LMX1A: variants seen among roughly 807,000 people sequenced by gnomAD.
LMX1A encodes the protein LIM homeobox transcription factor 1 alpha, also known as LIM homeobox transcription factor 1-alpha.
In LMX1A, 15 loss-of-function variants were observed where a neutral mutation model predicts 49.1. That is an observed-to-expected ratio of 0.31 (90% CI 0.20 to 0.47). The LOEUF (loss-of-function observed/expected upper bound fraction) is 0.47, where lower values mean the gene tolerates loss of function less well. Among genes scored for constraint, LMX1A ranks in the 20% least tolerant of loss-of-function variants. The pLI, the probability that LMX1A is intolerant of heterozygous loss-of-function variation, is 1.00. For synonymous variants in LMX1A, 167 were observed against 185.7 expected (o/e 0.90, Z 0.82); for missense variants, 372 against 475.8 (o/e 0.78, Z 2.03).
At chr1:165,238,336 T>C (rs1229047784) in intron 4 of LMX1A, among the ~76,000 whole-genome samples, 3 of 152,198 alleles carry the variant, frequency 2.0e-5, no homozygotes, top group African/African-American at 7.2e-5. Flanking sequence ...GTCAACTGAT[T>C]TTTCCTACTA....
chr1:165,299,201 C>T (rs573584702), intron 3 of LMX1A, among the ~76,000 whole-genome samples: 2 of 152,324 alleles, frequency 1.3e-5, no homozygotes, highest in African/African-American at 2.4e-5. Flanking sequence ...GACATTTACA[C>T]GTCAGTATAA....
At chr1:165,281,746 A>ATGTG (rs56913866) in intron 3 of LMX1A, among the ~76,000 whole-genome samples, 3,828 of 125,930 alleles carry the variant, frequency 0.03, 117 homozygotes, top group African/African-American at 0.078. Context: ...GTGTGTGTGT[A>ATGTG]TGTGTGTGTG....
At chr1:165,275,847 A>ATGTG (rs529022372) in intron 3 of LMX1A, among the ~76,000 whole-genome samples, 29,583 of 138,658 alleles carry the variant, frequency 0.21, 3,239 homozygotes, top group East Asian at 0.45. Flanking sequence ...GTGTGTGTGT[A>ATGTG]TGTGTGTGTG....
At chr1:165,270,400 G>T (rs1045816426) in intron 3 of LMX1A, among the ~76,000 whole-genome samples, 3 of 152,190 alleles carry the variant, frequency 2.0e-5, no homozygotes, top group South Asian at 2.1e-4. Flanking sequence ...ACTCCTGTGG[G>T]GGCAAGCAAG....
chr1:165,219,334 G>A (rs1651754100), intron 4 of LMX1A, among the ~76,000 whole-genome samples: 1 of 152,114 alleles, frequency 6.6e-6, no homozygotes, highest in South Asian at 2.1e-4. Flanking sequence ...AGACCTTCAT[G>A]CTAGGGCAGG....
At chr1:165,321,082 T>C (rs1655372716) in intron 3 of LMX1A, among the ~76,000 whole-genome samples, 1 of 152,200 alleles carries the variant, frequency 6.6e-6, no homozygotes. Flanking sequence ...GCAGTACTGA[T>C]ACGTGCTACA....
chr1:165,250,357 C>T (rs926122998), intron 3 of LMX1A, among the ~76,000 whole-genome samples: 1 of 152,184 alleles, frequency 6.6e-6, no homozygotes, highest in Non-Finnish European at 1.5e-5. Context: ...GCAGGCTGTT[C>T]AGAATCCCTG....
intron 3 of LMX1A, among the ~76,000 whole-genome samples, chr1:165,350,179 A>C (rs1211217509): frequency 8.0e-6 from 1 of 124,628 alleles, no homozygotes; most frequent in Non-Finnish European, 1.9e-5. Context: ...CCACCAAAAA[A>C]AAAAAAAAAA....
chr1:165,257,749 G>C (rs1192324821), intron 3 of LMX1A, among the ~76,000 whole-genome samples: 1 of 152,220 alleles, frequency 6.6e-6, no homozygotes, highest in Non-Finnish European at 1.5e-5. Context: ...AGTCCACCCA[G>C]AGAGAGGCTA....
chr1:165,226,803 C>T (rs1652052748), intron 4 of LMX1A, among the ~76,000 whole-genome samples: 4 of 152,220 alleles, frequency 2.6e-5, no homozygotes, highest in African/African-American at 9.6e-5. Flanking sequence ...TTCTTAGTTA[C>T]ATAGACACTT....
chr1:165,226,922 A>G (rs1007557954), intron 4 of LMX1A, among the ~76,000 whole-genome samples: 1 of 152,210 alleles, frequency 6.6e-6, no homozygotes, highest in Admixed American at 6.5e-5. Context: ...TACATCTGTG[A>G]ACAAGGCAGA....
chr1:165,304,005 G>C (rs1035651770), intron 3 of LMX1A, among the ~76,000 whole-genome samples: 4 of 152,060 alleles, frequency 2.6e-5, no homozygotes, highest in African/African-American at 9.7e-5. Context: ...CCCTGGGCCT[G>C]AGAAAGGAAA....
At position 165,249,762 on chromosome 1, in the gene LMX1A, T is replaced by G. The variant is rs1652989706; in HGVS notation, c.264-122A>C. ...CTGGGATATGAACGTTAGAATGGAA[T>G]GTACTTTAAATCCAGGTTATTTATT... is the stretch of plus-strand genomic sequence containing the variant. On this transcript the variant is annotated intron_variant, in intron 3 of 8. Transcript: ENST00000342310. 4 of 690,132 alleles carry G rather than the reference T, an allele frequency of 5.8e-6. No homozygotes were observed. The Admixed American group carries it at 7.4e-5, about 13-fold the overall frequency. The allele number at this position is 690,132 out of a possible 1,614,324, so 42.8% of individuals were successfully genotyped here.
intron 4 of LMX1A, among the ~76,000 whole-genome samples, chr1:165,224,521 T>G (rs1651967895): frequency 6.6e-6 from 1 of 152,142 alleles, no homozygotes; most frequent in Non-Finnish European, 1.5e-5. Context: ...AATGCCGGCT[T>G]TCATCAGCAT....
intron 3 of LMX1A, among the ~76,000 whole-genome samples, chr1:165,327,251 A>G (rs991177453): frequency 2.0e-5 from 3 of 152,202 alleles, no homozygotes; most frequent in Admixed American, 6.5e-5. Context: ...GAAAGGAGGA[A>G]GCAGCAGTAC....
At chr1:165,229,198 T>C (rs1005016554) in intron 4 of LMX1A, among the ~76,000 whole-genome samples, 9 of 151,816 alleles carry the variant, frequency 5.9e-5, no homozygotes, top group Non-Finnish European at 1.3e-4. Flanking sequence ...CAGATCTCAA[T>C]TTTGGATACA....
chr1:165,247,469 A>C (rs1000157363), intron 4 of LMX1A, among the ~76,000 whole-genome samples: 1 of 152,176 alleles, frequency 6.6e-6, no homozygotes, highest in African/African-American at 2.4e-5. Context: ...CTACCCCTGA[A>C]GAAGATACTC....
chr1:165,247,054 C>CTTTTTTTTTCTTT (rs1652876638), intron 4 of LMX1A, among the ~76,000 whole-genome samples: 5 of 53,228 alleles, frequency 9.4e-5, no homozygotes, highest in African/African-American at 3.6e-4. Context: ...TCAGCTTTTT[C>CTTTTTTTTTCTTT]TTTTTTTTTT....
intron 4 of LMX1A, among the ~76,000 whole-genome samples, chr1:165,225,283 G>T (rs16841287): frequency 0.12 from 18,882 of 152,232 alleles, 1,273 homozygotes; most frequent in Non-Finnish European, 0.15. Flanking sequence ...GAGAACACAA[G>T]ATTAAGTGAG....
Sources: gnomAD v4.1 joint callset for allele counts (sites outside exome capture counted in the v4.1 genomes callset) on GRCh38, gnomAD v4.1.1 for gene constraint, MANE v1.5 for transcripts, NCBI Gene and HGNC (gene_info 2026-07-23, HGNC 2026-07-21) for gene names.